The following IMMP2L variants were observed in gnomAD, a reference collection of about 807,000 sequenced individuals.
The protein encoded by IMMP2L is mitochondrial inner membrane protease subunit 2.
In IMMP2L, 18 loss-of-function variants were observed where a neutral mutation model predicts 19.3. The ratio of observed to expected loss-of-function variants is 0.93; its 90% CI spans 0.64 to 1.38. The LOEUF (loss-of-function observed/expected upper bound fraction) is 1.38. IMMP2L is among the 40% of genes most tolerant of loss of function. IMMP2L has a pLI of 0.00. For synonymous variants in IMMP2L, 76 were observed against 73.0 expected, an observed-to-expected ratio of 1.04 and a Z score of -0.21; for missense variants, 233 against 218.2, an observed-to-expected ratio of 1.07 and a Z score of -0.43.
intron 3 of IMMP2L, among the ~76,000 whole-genome samples, chr7:111,348,625 T>G (rs1174498023): frequency 6.6e-6 from 1 of 152,148 alleles, no homozygotes. Flanking sequence ...GAGTCTGCCC[T>G]ACGAATAAGA....
chr7:110,912,694 T>TA (rs1183319529), intron 4 of IMMP2L, among the ~76,000 whole-genome samples: 1 of 151,988 alleles, frequency 6.6e-6, no homozygotes, highest in Non-Finnish European at 1.5e-5. Flanking sequence ...AATGCCCATG[T>TA]AAAAACAAGA....
intron 5 of IMMP2L, among the ~76,000 whole-genome samples, chr7:110,698,176 T>A (rs890247159): frequency 6.6e-6 from 1 of 152,220 alleles, no homozygotes; most frequent in South Asian, 2.1e-4. Flanking sequence ...CTCTCCACCA[T>A]AGTCACTGAC....
chr7:110,998,262 G>A (rs1273190721), intron 3 of IMMP2L, among the ~76,000 whole-genome samples: 1 of 152,074 alleles, frequency 6.6e-6, no homozygotes, highest in East Asian at 1.9e-4. Context: ...GGAATTTAGG[G>A]TTATGACAGG....
chr7:111,444,083 A>T (rs1456748778), intron 3 of IMMP2L, among the ~76,000 whole-genome samples: 2 of 152,158 alleles, frequency 1.3e-5, no homozygotes, highest in African/African-American at 2.4e-5. Flanking sequence ...TTCTATTTTT[A>T]AAAAATCACT....
intron 3 of IMMP2L, among the ~76,000 whole-genome samples, chr7:111,016,387 T>C (rs1825542040): frequency 7.0e-6 from 1 of 142,564 alleles, no homozygotes; most frequent in Non-Finnish European, 1.5e-5. Context: ...ATATGATATA[T>C]ATTTTTATAT....
At chr7:111,308,673 T>C (rs1220913696) in intron 3 of IMMP2L, among the ~76,000 whole-genome samples, 2 of 151,936 alleles carry the variant, frequency 1.3e-5, no homozygotes, top group South Asian at 2.1e-4. Context: ...GAAAAAAAAG[T>C]ACCTTTGTCA....
intron 3 of IMMP2L, among the ~76,000 whole-genome samples, chr7:111,131,981 G>A (rs1036455648): frequency 2.6e-5 from 4 of 151,434 alleles, no homozygotes; most frequent in Non-Finnish European, 5.9e-5. Context: ...TTTTGGAGAG[G>A]GAACAATCCA....
At chr7:111,003,383 C>A (rs1488178122) in intron 3 of IMMP2L, among the ~76,000 whole-genome samples, 1 of 152,038 alleles carries the variant, frequency 6.6e-6, no homozygotes, top group Admixed American at 6.6e-5. Context: ...AAAATATCAT[C>A]AAAATATCCC....
chr7:111,526,258 T>TAAACAAAAACCTCACTAA (rs1846842344), intron 1 of IMMP2L, among the ~76,000 whole-genome samples: 1 of 152,186 alleles, frequency 6.6e-6, no homozygotes, highest in Admixed American at 6.5e-5. Context: ...AACAATACCT[T>TAAACAAAAACCTCACTAA]ACATTTCAAC....
At chr7:111,306,606 CTGTGTGTGTGTGTGTG>C (rs71147473) in intron 3 of IMMP2L, among the ~76,000 whole-genome samples, 95 of 136,210 alleles carry the variant, frequency 7.0e-4, no homozygotes, top group African/African-American at 1.9e-3. Context: ...TCACTGGACT[CTGTGTGTGTGTGTGTG>C]TGTGTGTGTG....
chr7:110,682,224 C>T (rs976927754), intron 5 of IMMP2L, among the ~76,000 whole-genome samples: 10 of 152,142 alleles, frequency 6.6e-5, no homozygotes, highest in Non-Finnish European at 1.5e-4. Context: ...CTTTCTCTTG[C>T]TCTTTACCTT....
intron 5 of IMMP2L, among the ~76,000 whole-genome samples, chr7:110,677,334 A>G (rs543870988): frequency 6.6e-6 from 1 of 152,338 alleles, no homozygotes; most frequent in East Asian, 1.9e-4. Context: ...TATTTTTTAA[A>G]AAGATTAAAG....
chr7:110,918,452 CTTTT>C (rs1029668134), intron 4 of IMMP2L, among the ~76,000 whole-genome samples: 3 of 130,484 alleles, frequency 2.3e-5, no homozygotes, highest in Non-Finnish European at 3.3e-5. Context: ...TTCTTTTTTT[CTTTT>C]TTTTTTTTTT....
intron 5 of IMMP2L, chr7:110,665,141 G>C (rs113209631): frequency 3.3e-5 from 5 of 152,076 alleles, no homozygotes; most frequent in Non-Finnish European, 7.4e-5. Flanking sequence ...CTCAATAAAG[G>C]GTTCTTTTTT....
chr7:111,314,057 TC>T (rs1823793409), intron 3 of IMMP2L, among the ~76,000 whole-genome samples: 1 of 152,060 alleles, frequency 6.6e-6, no homozygotes, highest in Non-Finnish European at 1.5e-5. Context: ...GAGTAAAAGC[TC>T]CCTGAGGCCT....
chr7:111,427,224 C>T lies in IMMP2L; in HGVS notation c.239+60014G>A, dbSNP rs146230702. On this transcript the variant is annotated intron_variant, in intron 3 of 5. Transcript: ENST00000405709. Reference sequence around the variant, plus strand: ...AATAATCCTCTAAAAAAATTCCCAGCGACTGAGTTGGGCCAGAAGTTCAGA... The same window carrying T: ...AATAATCCTCTAAAAAAATTCCCAGTGACTGAGTTGGGCCAGAAGTTCAGA... Among the ~76,000 whole-genome samples the T allele has an allele frequency of 3.4e-4, 52 of 151,644 alleles. 2 individuals carry two copies. The East Asian group carries it at 7.2e-3, about 21-fold the overall frequency.
At chr7:110,903,731 T>G (rs1764944739) in intron 4 of IMMP2L, among the ~76,000 whole-genome samples, 2 of 152,284 alleles carry the variant, frequency 1.3e-5, no homozygotes, top group South Asian at 4.1e-4. Context: ...GTGCATATAT[T>G]TCTTTAAGAT....
intron 3 of IMMP2L, among the ~76,000 whole-genome samples, chr7:111,191,431 TACACACACACACACACACAC>T (rs57414194): frequency 4.1e-5 from 6 of 146,662 alleles, no homozygotes; most frequent in East Asian, 2.0e-4. Flanking sequence ...GCTGCTCAAA[TACACACACACACACACACAC>T]ACACACACAC....
intron 3 of IMMP2L, among the ~76,000 whole-genome samples, chr7:111,097,740 A>T (rs1460053524): frequency 1.3e-5 from 2 of 151,872 alleles, no homozygotes; most frequent in Non-Finnish European, 2.9e-5. Context: ...TTTTATCAAA[A>T]CTCAGTCACT....
Sources: gnomAD v4.1 joint callset for allele counts (sites outside exome capture counted in the v4.1 genomes callset) on GRCh38, gnomAD v4.1.1 for gene constraint, MANE v1.5 for transcripts, NCBI Gene and HGNC (gene_info 2026-07-23, HGNC 2026-07-21) for gene names.